Variants in OSBPL8 observed in about 807,000 individuals in gnomAD.
The protein encoded by OSBPL8 is oxysterol binding protein like 8.
In OSBPL8, 59 loss-of-function variants were observed where a neutral mutation model predicts 125.5. The ratio of observed to expected loss-of-function variants is 0.47; its 90% CI spans 0.38 to 0.58. OSBPL8 has a LOEUF of 0.58. Ranked by LOEUF, OSBPL8 falls within the 20% of genes least tolerant of loss-of-function variation. The pLI is 0.00. For missense variants in OSBPL8, 758 were observed against 1,047.8 expected, an observed-to-expected ratio of 0.72 and a Z score of 3.82; for synonymous variants, 330 against 338.9, an observed-to-expected ratio of 0.97 and a Z score of 0.29.
intron 4 of OSBPL8, among the ~76,000 whole-genome samples, chr12:76,434,234 C>G (rs1271782067): frequency 6.6e-6 from 1 of 151,984 alleles, no homozygotes; most frequent in Admixed American, 6.6e-5. Context: ...AACCAGTGTG[C>G]CAAGAACATA....
At chr12:76,389,532 T>C (rs1953468246) in intron 12 of OSBPL8, 113 bp downstream of exon 12, 3 of 797,636 alleles carry the variant, frequency 3.8e-6, no homozygotes, top group Non-Finnish European at 5.7e-6. Context: ...GAACAGAGAG[T>C]GATGTCTCAT....
intron 1 of OSBPL8, among the ~76,000 whole-genome samples, chr12:76,556,706 C>A (rs1003909170): frequency 2.2e-4 from 34 of 152,290 alleles, no homozygotes; most frequent in Non-Finnish European, 2.4e-4. Flanking sequence ...CTCTATCGCC[C>A]AGGCTGGAGT....
intron 4 of OSBPL8, among the ~76,000 whole-genome samples, chr12:76,441,373 T>A (rs954644253): frequency 1.3e-5 from 2 of 152,098 alleles, no homozygotes; most frequent in African/African-American, 4.8e-5. Context: ...AAAGAAAAAA[T>A]TCTATGAAGC....
intron 1 of OSBPL8, among the ~76,000 whole-genome samples, chr12:76,536,275 T>C (rs113074414): frequency 4.3e-4 from 66 of 151,926 alleles, no homozygotes; most frequent in African/African-American, 1.6e-3. Context: ...TCACCTGAGG[T>C]CAAAAGTTAG....
intron 21 of OSBPL8, among the ~76,000 whole-genome samples, chr12:76,367,257 T>TGTGTGC (rs58735580): frequency 1.8e-4 from 28 of 151,996 alleles, no homozygotes; most frequent in Admixed American, 1.7e-3. Context: ...TGTGTGTGTG[T>TGTGTGC]ATGAATTGAC....
intron 2 of OSBPL8, among the ~76,000 whole-genome samples, chr12:76,465,330 G>A (rs2136870254): frequency 6.6e-6 from 1 of 152,200 alleles, no homozygotes; most frequent in South Asian, 2.1e-4. Flanking sequence ...GGAGGCTGAG[G>A]CGGGCAGTTC....
chr12:76,360,826 A>G (rs1473890830), intron 21 of OSBPL8, among the ~76,000 whole-genome samples: 1 of 152,164 alleles, frequency 6.6e-6, no homozygotes, highest in Non-Finnish European at 1.5e-5. Flanking sequence ...CCTTTTAGCA[A>G]TGGCTGAAGC....
At chr12:76,363,961 A>T (rs1952307338) in intron 21 of OSBPL8, among the ~76,000 whole-genome samples, 1 of 152,240 alleles carries the variant, frequency 6.6e-6, no homozygotes, top group South Asian at 2.1e-4. Context: ...ATACCGTCTC[A>T]TGCCAGTCAG....
At chr12:76,431,756 C>T (rs1277842090) in intron 4 of OSBPL8, among the ~76,000 whole-genome samples, 1 of 152,024 alleles carries the variant, frequency 6.6e-6, no homozygotes, top group African/African-American at 2.4e-5. Context: ...ATAAAGCAAA[C>T]ATGGAGAGAT....
At chr12:76,430,120 G>C (rs996785721) in intron 4 of OSBPL8, among the ~76,000 whole-genome samples, 3 of 152,082 alleles carry the variant, frequency 2.0e-5, no homozygotes, top group Admixed American at 2.0e-4. Context: ...GACCTCTCTG[G>C]GGAACACAGT....
At chr12:76,400,265 T>G (rs1211777290) in intron 6 of OSBPL8, among the ~76,000 whole-genome samples, 2 of 152,196 alleles carry the variant, frequency 1.3e-5, no homozygotes, top group Non-Finnish European at 2.9e-5. Context: ...ACATGCAGTA[T>G]TGGTTTCTGA....
intron 1 of OSBPL8, among the ~76,000 whole-genome samples, chr12:76,489,270 T>C (rs115718318): frequency 1.6e-3 from 243 of 152,312 alleles, no homozygotes; most frequent in African/African-American, 5.5e-3. Flanking sequence ...GCTAAGATCA[T>C]TGATGAACAT....
intron 1 of OSBPL8, among the ~76,000 whole-genome samples, chr12:76,529,921 A>AT (rs750874163): frequency 2.7e-4 from 41 of 152,314 alleles, no homozygotes; most frequent in Non-Finnish European, 4.4e-4. Context: ...ATTTTTCACT[A>AT]TAGCCCCATT....
intron 21 of OSBPL8, chr12:76,366,515 AT>A: frequency 1.0e-5 from 4 of 382,666 alleles, no homozygotes; most frequent in East Asian, 8.0e-5. Flanking sequence ...CACAAATTCT[AT>A]TTTTTTCCTA....
chr12:76,375,013 T>C (rs776514539), intron 17 of OSBPL8, among the ~76,000 whole-genome samples: 7 of 152,192 alleles, frequency 4.6e-5, no homozygotes, highest in Non-Finnish European at 1.0e-4. Flanking sequence ...TTCTATATAA[T>C]ACCCACAGTT....
chr12:76,487,605 T>A lies in OSBPL8; in HGVS notation c.-54A>T. On this transcript the variant is annotated 5_prime_UTR_variant, in exon 2 of 24. Transcript: ENST00000261183. ...TTTCCATTAATGTGCAGCCATTCTG[T>A]AAATCTGCAAATCCTAAAATAAGAA... 6.9e-7 allele frequency: 1 copy of A among 1,448,072 alleles called. No individual in the cohort carries two copies. The highest frequency in any genetic ancestry group is 2.4e-5 in the East Asian group (1 of 41,606). The allele number at this position is 1,448,072 out of a possible 1,614,324, so 89.7% of individuals were successfully genotyped here.
intron 1 of OSBPL8, among the ~76,000 whole-genome samples, chr12:76,502,687 C>A (rs991245701): frequency 6.6e-6 from 1 of 152,132 alleles, no homozygotes; most frequent in African/African-American, 2.4e-5. Flanking sequence ...GACTAGTAAT[C>A]GCCTAGACTC....
At chr12:76,514,321 T>C (rs971642339) in intron 1 of OSBPL8, among the ~76,000 whole-genome samples, 2 of 151,660 alleles carry the variant, frequency 1.3e-5, no homozygotes, top group African/African-American at 4.8e-5. Context: ...ATTTTTTTTT[T>C]TTTTGTATTT....
At chr12:76,360,445 G>A (rs192774609) in intron 21 of OSBPL8, among the ~76,000 whole-genome samples, 8 of 152,208 alleles carry the variant, frequency 5.3e-5, no homozygotes, top group African/African-American at 9.7e-5. Context: ...ATGGGCTGGC[G>A]CTGAGTGTCT....
Sources: gnomAD v4.1 joint callset for allele counts (sites outside exome capture counted in the v4.1 genomes callset) on GRCh38, gnomAD v4.1.1 for gene constraint, MANE v1.5 for transcripts, NCBI Gene and HGNC (gene_info 2026-07-23, HGNC 2026-07-21) for gene names.